The following NAA35 variants were observed in gnomAD, a reference collection of about 807,000 sequenced individuals.
NAA35 encodes MAK10 homolog, amino-acid N-acetyltransferase subunit.
NAA35 carries 18 observed loss-of-function variants against 101.7 expected under a neutral mutation model. That is an observed-to-expected ratio of 0.18 (90% CI 0.12 to 0.26). The LOEUF (loss-of-function observed/expected upper bound fraction) is 0.26. Among genes scored for constraint, NAA35 ranks in the 10% least tolerant of loss-of-function variants. The pLI is 1.00. For synonymous variants in NAA35, 267 were observed against 273.1 expected, an observed-to-expected ratio of 0.98 and a Z score of 0.22; for missense variants, 601 against 886.8, an observed-to-expected ratio of 0.68 and a Z score of 4.09.
intron 6 of NAA35, among the ~76,000 whole-genome samples, chr9:85,971,343 T>C (rs1298984826): frequency 6.6e-6 from 1 of 152,218 alleles, no homozygotes. Context: ...GTTGACACAC[T>C]GTGAAATACT....
intron 16 of NAA35, 105 bp downstream of exon 16, chr9:86,013,249 A>T: frequency 4.9e-6 from 3 of 618,474 alleles, no homozygotes; most frequent in Non-Finnish European, 7.8e-6. Context: ...ATTTTTCAAC[A>T]TGATCCACTT....
chr9:85,942,713 C>A (rs1428908800), intron 2 of NAA35, among the ~76,000 whole-genome samples: 1 of 152,214 alleles, frequency 6.6e-6, no homozygotes, highest in East Asian at 1.9e-4. Context: ...CTGGTCCCTG[C>A]CTGCCACTCA....
At chr9:85,944,540 A>G (rs1357731900) in intron 2 of NAA35, among the ~76,000 whole-genome samples, 1 of 152,214 alleles carries the variant, frequency 6.6e-6, no homozygotes, top group Non-Finnish European at 1.5e-5. Flanking sequence ...AGGTGAAAGA[A>G]ACAAGAGAGA....
At position 85,942,176 on chromosome 9, in the gene NAA35, C is replaced by A. The variant is rs1376360183; in HGVS notation, c.17C>A (p.Ser6Tyr). The A allele has an allele frequency of 6.2e-7, 1 of 1,613,970 alleles. No individual in the cohort carries two copies. The highest frequency in any genetic ancestry group is 1.3e-5 in the African/African-American group (1 of 74,912). MVMKA[S>Y]VDDDDSGWEL... ...ACAGGCATAATGGTTATGAAAGCTT[C>A]TGTAGATGATGACGATTCAGGATGG... is the stretch of plus-strand genomic sequence containing the variant. Residue 6 changes from serine to tyrosine, a missense_variant, in exon 2 of 23, where the codon TCT becomes TAT. Ser to Tyr is a moderately radical substitution (Grantham distance 144). Around this residue, in one of 8 missense-constraint regions of NAA35, gnomAD observed 67 missense variants for 62.4 expected, o/e 1.07. Transcript: ENST00000361671.
At chr9:85,996,326 A>G in intron 11 of NAA35, 73 bp from the exon 12 acceptor site, 2 of 1,007,568 alleles carry the variant, frequency 2.0e-6, no homozygotes, top group South Asian at 3.3e-5. Context: ...TGGCATTTTT[A>G]TATTTAATAA....
chr9:85,995,411 A>C (rs549212190), intron 11 of NAA35, among the ~76,000 whole-genome samples: 4 of 151,982 alleles, frequency 2.6e-5, no homozygotes, highest in Non-Finnish European at 5.9e-5. Context: ...AATTTAAATC[A>C]CAATTTATAT....
At chr9:85,981,864 T>G (rs1368729728) in intron 11 of NAA35, among the ~76,000 whole-genome samples, 1 of 152,264 alleles carries the variant, frequency 6.6e-6, no homozygotes, top group Admixed American at 6.5e-5. Flanking sequence ...TAGTATAGAT[T>G]AGTTTTGGTC....
At position 85,978,854 on chromosome 9, in the gene NAA35, T is replaced by C. The variant is rs183370955; in HGVS notation, c.877+473T>C. ...TTGTTTCAGGAAGGGACAGTTACCATCTTTATTTAAATTGTAAACTAAATT... is the reference window on the plus strand; with the variant it reads ...TTGTTTCAGGAAGGGACAGTTACCACCTTTATTTAAATTGTAAACTAAATT... On this transcript the variant is annotated intron_variant, in intron 11 of 22. Coordinates refer to ENST00000361671, the MANE Select transcript of NAA35 (RefSeq NM_024635.4). Among the ~76,000 whole-genome samples, 246 of 152,258 alleles carry C rather than the reference T, an allele frequency of 1.6e-3. 1 individual carries two copies. The highest frequency in any genetic ancestry group is 3.8e-3 in the African/African-American group (156 of 41,552).
chr9:86,021,643 C>G (rs574180308), intron 22 of NAA35, among the ~76,000 whole-genome samples: 35 of 152,260 alleles, frequency 2.3e-4, no homozygotes, highest in African/African-American at 8.4e-4. Context: ...GACTATTTAT[C>G]TTTTAACTGT....
At chr9:85,993,823 C>A (rs753684424) in intron 11 of NAA35, among the ~76,000 whole-genome samples, 2 of 151,796 alleles carry the variant, frequency 1.3e-5, no homozygotes, top group Non-Finnish European at 2.9e-5. Flanking sequence ...CCCTTTGCAT[C>A]TATTAGATAG....
In NAA35 at chr9:85,958,555, G is replaced by A. The variant is rs1829372562; in HGVS notation, c.242G>A (p.Arg81Gln). 1.2e-6 allele frequency: 2 copies of A among 1,610,534 alleles called. No individual in the cohort carries two copies. Among genetic ancestry groups the A allele is most frequent in the South Asian group, 1.1e-5 (1 of 90,678 alleles). The stretch of plus-strand genomic sequence containing the variant: ...GGCATGATTGGAAACCAAGTTAATC[G>A]AAAAGTTCTCAATTTTGAACAAGCT... ...DAGMIGNQVNRKVLNFEQAIK... is the reference protein window; with the variant it reads ...DAGMIGNQVNQKVLNFEQAIK... Residue 81 changes from arginine (R) to glutamine (Q), a missense_variant, in exon 4 of 23, where the codon CGA (arginine) becomes CAA (glutamine). Physicochemically the swap from Arg to Gln is conservative, Grantham distance 43 (BLOSUM62 1). This residue lies in a region of NAA35 where 42 missense variants were observed against 41.2 expected (regional missense o/e 1.02). Transcript: ENST00000361671.
rs138473963 is a variant in NAA35, at chr9:85,977,173, C to T, written c.679-190C>T. ...CTGTTGATATAGAAACTTCACATTC[C>T]GATTTCAAAAGAATAGGCTTTGTTT... is the stretch of plus-strand genomic sequence containing the variant. On this transcript the variant is annotated intron_variant, in intron 9 of 22. Transcript: ENST00000361671. Among the ~76,000 whole-genome samples, 292 of 152,120 alleles carry T rather than the reference C, an allele frequency of 1.9e-3. 1 individual carries two copies. The highest frequency in any genetic ancestry group is 6.5e-3 in the African/African-American group (271 of 41,520).
intron 11 of NAA35, among the ~76,000 whole-genome samples, chr9:85,983,677 C>T (rs7045565): frequency 1.3e-5 from 2 of 151,880 alleles, no homozygotes; most frequent in Non-Finnish European, 2.9e-5. Context: ...CGGGTGGGGG[C>T]CAAGGGGAGG....
chr9:85,993,689 A>G (rs1465768041), intron 11 of NAA35, among the ~76,000 whole-genome samples: 1 of 152,164 alleles, frequency 6.6e-6, no homozygotes, highest in Non-Finnish European at 1.5e-5. Context: ...AGAAAAGGGA[A>G]GTTTCTCCCA....
Position 85,996,498 on chromosome 9 carries a change from T to G in NAA35, c.977T>G (p.Val326Gly). The G allele has an allele frequency of 6.2e-7, 1 of 1,606,158 alleles. No homozygotes were observed. Among genetic ancestry groups the G allele is most frequent in the Non-Finnish European group, 8.5e-7 (1 of 1,177,420 alleles). Residue 326 changes from valine to glycine, a missense_variant, in exon 12 of 23, where the codon GTG (valine) becomes GGG (glycine). Transcript: ENST00000361671. The part of the protein sequence containing the change: ...YAKIIKREEM[V>G]NYFARLIDRI... ...AAAATAATTAAAAGGGAAGAAATGG[T>G]GAACTATTTTGCAAGATTAATAGAT...
At chr9:85,954,791 A>G (rs1210150972) in intron 2 of NAA35, among the ~76,000 whole-genome samples, 1 of 152,086 alleles carries the variant, frequency 6.6e-6, no homozygotes, top group Non-Finnish European at 1.5e-5. Flanking sequence ...ACACAATAAA[A>G]AAAGACAACG....
rs73653508 is a variant in NAA35 at position 86,021,622 on chromosome 9, C to T, written c.2119-279C>T. Among the ~76,000 whole-genome samples, 597 of 152,204 alleles carry T rather than the reference C, an allele frequency of 3.9e-3. 4 individuals carry two copies. Among genetic ancestry groups the T allele is most frequent in the African/African-American group, 0.014 (564 of 41,514 alleles). On this transcript the variant is annotated intron_variant, in intron 22 of 22. Transcript: ENST00000361671. Reference sequence around the variant, plus strand: ...CCCCTGATCTAACTGAATGCCTTTCCTATAATTTTTGACTATTTATCTTTT... The same window carrying T: ...CCCCTGATCTAACTGAATGCCTTTCTTATAATTTTTGACTATTTATCTTTT...
At position 85,977,458 on chromosome 9, in the gene NAA35, C is replaced by G; in HGVS notation, c.762+12C>G. 1 of 1,552,436 alleles carries G rather than the reference C, an allele frequency of 6.4e-7. No homozygotes were observed. The highest frequency in any genetic ancestry group is 1.1e-5 in the South Asian group (1 of 89,660). ...TTACTAAGAAAGAGGTAAGGGCATT[C>G]AATATAATATGTCTATTTGTTTTAG... is the stretch of plus-strand genomic sequence containing the variant. On this transcript the variant is annotated intron_variant, in intron 10 of 22. Coordinates refer to ENST00000361671, the MANE Select transcript of NAA35 (RefSeq NM_024635.4).
chr9:85,994,240 G>GT (rs1235520581), intron 11 of NAA35, among the ~76,000 whole-genome samples: 2 of 152,226 alleles, frequency 1.3e-5, no homozygotes, highest in Admixed American at 1.3e-4. Context: ...CCACATTGCT[G>GT]TGCAACTATC....
Sources: gnomAD v4.1 joint callset for allele counts (sites outside exome capture counted in the v4.1 genomes callset) on GRCh38, gnomAD v4.1.1 for gene constraint, gnomAD v4.1.1 regional missense constraint, MANE v1.5 for transcripts, NCBI Gene and HGNC (gene_info 2026-07-23, HGNC 2026-07-21) for gene names.